Variants in MALRD1 observed in about 807,000 individuals in gnomAD.
MALRD1 encodes the protein MAM and LDL-receptor class A domain-containing protein 1.
MALRD1 carries 247 observed loss-of-function variants against 242.1 expected under a neutral mutation model. That is an observed-to-expected ratio of 1.02 (90% CI 0.92 to 1.13). The LOEUF (loss-of-function observed/expected upper bound fraction) is 1.13. Ranked by LOEUF, MALRD1 falls within the 50% of genes most tolerant of loss-of-function variation. The probability of loss-of-function intolerance (pLI) is 0.00; values close to 1 mark genes in which losing one functional copy is unlikely to be tolerated. For synonymous variants in MALRD1, 995 were observed against 866.6 expected (o/e 1.15, Z -2.60); for missense variants, 2,989 against 2,533.1 (o/e 1.18, Z -3.86).
chr10:19,573,374 C>A (rs1432208531), intron 33 of MALRD1, among the ~76,000 whole-genome samples: 1 of 152,134 alleles, frequency 6.6e-6, no homozygotes. Flanking sequence ...CTCTGGTGCC[C>A]CTTCCTCTGA....
chr10:19,544,219 C>T (rs184353982), intron 32 of MALRD1, among the ~76,000 whole-genome samples: 74 of 151,830 alleles, frequency 4.9e-4, no homozygotes, highest in Non-Finnish European at 1.0e-3. Flanking sequence ...GATGCAGTCT[C>T]GCTCTTGTCA....
intron 32 of MALRD1, among the ~76,000 whole-genome samples, chr10:19,539,125 G>A (rs1003707050): frequency 1.3e-5 from 2 of 152,148 alleles, no homozygotes; most frequent in Non-Finnish European, 2.9e-5. Context: ...GACTTAATAA[G>A]ATCAGATGGT....
rs759529346 is a variant in MALRD1 at position 19,450,285 on chromosome 10, A to C, written c.4846-22A>C. 130 of 1,536,522 alleles carry C rather than the reference A, an allele frequency of 8.5e-5. 1 individual carries two copies. The South Asian group carries it at 1.5e-3, about 17-fold the overall frequency. On this transcript the variant is annotated intron_variant, in intron 28 of 39. Coordinates refer to ENST00000454679, the MANE Select transcript of MALRD1 (RefSeq NM_001142308.3). ...TCTTTTGTGTTTGATTATTTCCCTC[A>C]TACAAACTTCTTTACTTTCAGACAG...
rs1834033094 is a variant in MALRD1, at chr10:19,153,876, T to G, written c.1559-1199T>G. On this transcript the variant is annotated intron_variant, in intron 11 of 39. Transcript: ENST00000454679. ...GTTCTCACCTTCGTTAACCTCTTGT[T>G]TGAAATTTGTATATTCTTTTGAATG... Among the ~76,000 whole-genome samples, 3 of 129,006 alleles carry G rather than the reference T, an allele frequency of 2.3e-5. No homozygotes were observed. In the South Asian group the frequency reaches 6.6e-4, roughly 28 times the overall value. The allele number at this position is 129,006 out of a possible 152,430, so 84.6% of individuals were successfully genotyped here.
Position 19,609,014 on chromosome 10 carries a change from T to C in MALRD1, c.6070+1112T>C, listed in dbSNP as rs139424262. 6.2e-3 allele frequency among the ~76,000 whole-genome samples: 946 copies of C among 152,188 alleles called. 7 individuals carry two copies. The highest frequency in any genetic ancestry group is 0.018 in the African/African-American group (760 of 41,546). On this transcript the variant is annotated intron_variant, in intron 35 of 39. Coordinates refer to ENST00000454679, the MANE Select transcript of MALRD1 (RefSeq NM_001142308.3). ...AGTATTTATGCCAGACCCAAACTTA[T>C]TTACATAAAGACAAGATTATCTTCA...
At chr10:19,731,482 A>C (rs1016946015) in intron 39 of MALRD1, among the ~76,000 whole-genome samples, 1 of 149,118 alleles carries the variant, frequency 6.7e-6, no homozygotes, top group Non-Finnish European at 1.5e-5. Context: ...ATCACCTCAC[A>C]TAGTTTACTT....
At chr10:19,108,075 T>G (rs567502911) in intron 5 of MALRD1, among the ~76,000 whole-genome samples, 5 of 152,320 alleles carry the variant, frequency 3.3e-5, no homozygotes, top group African/African-American at 7.2e-5. Flanking sequence ...TTTTAATAAG[T>G]AAGATTGCTG....
At position 19,111,921 on chromosome 10, in the gene MALRD1, A is replaced by C. The variant is rs1249570303; in HGVS notation, c.694+7846A>C. Among the ~76,000 whole-genome samples, 4 of 152,210 alleles carry C rather than the reference A, an allele frequency of 2.6e-5. No individual in the cohort carries two copies. In the East Asian group the frequency reaches 5.8e-4, roughly 22 times the overall value. On this transcript the variant is annotated intron_variant, in intron 5 of 39. Transcript: ENST00000454679. ...TAAAGCATTATGGGATGAGATTGGC[A>C]CTTGGCTGGGGCTGCACTTTGTAAA... is the stretch of plus-strand genomic sequence containing the variant.
At chr10:19,659,616 A>G (rs1025210125) in intron 36 of MALRD1, among the ~76,000 whole-genome samples, 9 of 152,178 alleles carry the variant, frequency 5.9e-5, no homozygotes, top group Non-Finnish European at 1.0e-4. Context: ...TCTGCTTAGA[A>G]TAACGCATTG....
At chr10:19,657,520 CAGAATTG>C (rs1257389057) in intron 36 of MALRD1, among the ~76,000 whole-genome samples, 3 of 151,392 alleles carry the variant, frequency 2.0e-5, no homozygotes, top group Non-Finnish European at 2.9e-5. Flanking sequence ...CAGTAAATTA[CAGAATTG>C]AGATTTTTTT....
intron 34 of MALRD1, among the ~76,000 whole-genome samples, chr10:19,598,990 C>G (rs1375158139): frequency 6.6e-6 from 1 of 151,746 alleles, no homozygotes; most frequent in Admixed American, 6.6e-5. Context: ...TTGGAAAAAG[C>G]CAAAAAAGTG....
chr10:19,105,207 A>C (rs1054427139), intron 5 of MALRD1, among the ~76,000 whole-genome samples: 5 of 151,906 alleles, frequency 3.3e-5, no homozygotes, highest in Admixed American at 1.3e-4. Flanking sequence ...ACTATTCTAC[A>C]CTGTACTTCT....
At chr10:19,569,651 A>T (rs951045873) in intron 33 of MALRD1, among the ~76,000 whole-genome samples, 1 of 147,436 alleles carries the variant, frequency 6.8e-6, no homozygotes, top group Non-Finnish European at 1.5e-5. Flanking sequence ...ATGTATATAT[A>T]TTATAAAATG....
At chr10:19,361,287 C>G (rs1425522256) in intron 26 of MALRD1, among the ~76,000 whole-genome samples, 2 of 152,088 alleles carry the variant, frequency 1.3e-5, no homozygotes, top group Non-Finnish European at 2.9e-5. Context: ...TTCTCTCCTT[C>G]CCACTGGCCA....
chr10:19,367,158 A>G (rs938746848), intron 26 of MALRD1, among the ~76,000 whole-genome samples: 1 of 152,028 alleles, frequency 6.6e-6, no homozygotes, highest in African/African-American at 2.4e-5. Flanking sequence ...AAACTGTAAT[A>G]TATTATTGTT....
intron 33 of MALRD1, among the ~76,000 whole-genome samples, chr10:19,588,792 A>C (rs1372754431): frequency 6.6e-6 from 1 of 152,078 alleles, no homozygotes; most frequent in African/African-American, 2.4e-5. Context: ...ACAGCCACCC[A>C]CTACCATGCC....
In MALRD1 at chr10:19,280,119, C is replaced by T. The variant is rs1392645443; in HGVS notation, c.3152C>T (p.Thr1051Ile). The change falls in exon 20 of 40, where the codon ACA (threonine) becomes ATA (isoleucine). Residue 1051 changes from threonine to isoleucine, a missense_variant. Thr to Ile is a moderately conservative substitution (Grantham distance 89). Coordinates refer to ENST00000454679, the MANE Select transcript of MALRD1 (RefSeq NM_001142308.3). ...GTAACATTACCTCCACACAACTGCA[C>T]AGACAATGAATTTATCTGCAGGTCT... ...VPVTLPPHNCTDNEFICRSDG... is the reference protein window; with the variant it reads ...VPVTLPPHNCIDNEFICRSDG... 3.4e-5 allele frequency: 52 copies of T among 1,545,222 alleles called. No homozygotes were observed. The highest frequency in any genetic ancestry group is 4.4e-5 in the Non-Finnish European group (50 of 1,145,140).
intron 28 of MALRD1, among the ~76,000 whole-genome samples, chr10:19,412,555 T>C (rs1279758600): frequency 2.6e-5 from 4 of 152,148 alleles, no homozygotes; most frequent in Non-Finnish European, 5.9e-5. Context: ...AATGAAGACA[T>C]GATGAGCTAA....
chr10:19,175,463 A>AATATATATATATATATATATATATAT lies in MALRD1; in HGVS notation c.1951+155_1951+156insATATATATATATATATATATATATAT, dbSNP rs376874358. On this transcript the variant is annotated intron_variant, in intron 14 of 39. Transcript: ENST00000454679. ...TATATCACCTGTTCTTGAAACCTAAAATATATATATATATATATATTTTAA... is the reference window on the plus strand; with the variant it reads ...TATATCACCTGTTCTTGAAACCTAAAATATATATATATATATATATATATATATATATATATATATATATATTTTAA... 324 of 202,666 alleles carry AATATATATATATATATATATATATAT rather than the reference A, an allele frequency of 1.6e-3. 6 individuals carry two copies. In the East Asian group the frequency reaches 0.017, roughly 10 times the overall value. 12.6% of individuals were successfully genotyped at this position (202,666 alleles called of 1,614,324 possible).
Sources: allele counts gnomAD v4.1 joint callset (sites outside exome capture counted in the v4.1 genomes callset), GRCh38; gene constraint gnomAD v4.1.1; transcripts MANE v1.5; gene names NCBI Gene and HGNC (gene_info 2026-07-23, HGNC 2026-07-21).